Variants in TOMM20L observed in about 807,000 individuals in gnomAD.
TOMM20L encodes the protein TOMM20-like protein 1.
In TOMM20L, 19 loss-of-function variants were observed where a neutral mutation model predicts 20.4. That is an observed-to-expected ratio of 0.93 (90% CI 0.65 to 1.36). The LOEUF (loss-of-function observed/expected upper bound fraction) is 1.36. Ranked by LOEUF, TOMM20L falls within the 40% of genes most tolerant of loss-of-function variation. TOMM20L has a pLI of 0.00. For missense variants in TOMM20L, 218 were observed against 203.7 expected (o/e 1.07, Z -0.43); for synonymous variants, 75 against 79.6 (o/e 0.94, Z 0.30).
At chr14:58,412,150 CT>C (rs538195126), downstream of TOMM20L, 11,702 of 396,942 alleles carry the variant, frequency 0.029, no homozygotes, top group South Asian at 0.051. Flanking sequence ...ATTAGATTTT[CT>C]TTTTTTTTTT....
intron 2 of TOMM20L, among the ~76,000 whole-genome samples, chr14:58,400,436 G>GAA (rs1167847335): frequency 1.1e-4 from 14 of 122,572 alleles, no homozygotes; most frequent in Non-Finnish European, 1.4e-4. Context: ...AAAAAAAAAA[G>GAA]AAAAAAAAAA....
downstream of TOMM20L, among the ~76,000 whole-genome samples, chr14:58,410,022 C>T (rs112189372): frequency 2.0e-3 from 296 of 151,734 alleles, no homozygotes; most frequent in African/African-American, 7.0e-3. Flanking sequence ...CACACCACCA[C>T]GCCTGGCTAA....
At chr14:58,396,633 C>T (rs909317339) in intron 2 of TOMM20L, among the ~76,000 whole-genome samples, 4 of 152,206 alleles carry the variant, frequency 2.6e-5, no homozygotes, top group Non-Finnish European at 5.9e-5. Context: ...AGCCTTTTGC[C>T]CTGTCAGAGC....
chr14:58,409,244 TC>T, downstream of TOMM20L: 2 of 1,537,230 alleles, frequency 1.3e-6, no homozygotes, highest in Non-Finnish European at 8.8e-7. Flanking sequence ...TCTAAAAGAA[TC>T]AGTGGGGTAG....
At chr14:58,403,064 T>C (rs2036011027) in intron 3 of TOMM20L, among the ~76,000 whole-genome samples, 1 of 152,200 alleles carries the variant, frequency 6.6e-6, no homozygotes, top group African/African-American at 2.4e-5. Context: ...ATGTTAAGAA[T>C]AAAAACTTTT....
chr14:58,411,695 C>T (rs1052462640), downstream of TOMM20L, among the ~76,000 whole-genome samples: 5 of 151,806 alleles, frequency 3.3e-5, no homozygotes, highest in Admixed American at 6.6e-5. Context: ...TGCGCCAGCA[C>T]GCCCAGCTAA....
At chr14:58,396,140 C>T (rs2035913328) in intron 1 of TOMM20L, 47 bp downstream of exon 1, 7 of 1,276,750 alleles carry the variant, frequency 5.5e-6, no homozygotes, top group Middle Eastern at 2.6e-4. Context: ...GCAGCGCGGG[C>T]GGGCTGCCGG....
chr14:58,412,957 T>C (rs368260743), downstream of TOMM20L, among the ~76,000 whole-genome samples: 2 of 152,076 alleles, frequency 1.3e-5, no homozygotes, highest in South Asian at 4.2e-4. Context: ...CAAGAGATTT[T>C]TGCTGTTTTC....
At chr14:58,408,833 T>G, downstream of TOMM20L, 1 of 768,210 alleles carries the variant, frequency 1.3e-6, no homozygotes, top group Non-Finnish European at 2.0e-6. Flanking sequence ...ATTATTTCAC[T>G]GAACAATAAG....
chr14:58,399,111 C>G (rs1377864881), intron 2 of TOMM20L, among the ~76,000 whole-genome samples: 5 of 152,298 alleles, frequency 3.3e-5, no homozygotes, highest in African/African-American at 1.2e-4. Flanking sequence ...GTCTTGAACT[C>G]CTGAGCTCAA....
chr14:58,409,228 A>G, downstream of TOMM20L: 1 of 1,581,788 alleles, frequency 6.3e-7, no homozygotes, highest in Admixed American at 1.9e-5. Context: ...TTTAAAATGC[A>G]TGTATTCTAA....
chr14:58,399,718 G>A (rs1040511910), intron 2 of TOMM20L, among the ~76,000 whole-genome samples: 1 of 151,180 alleles, frequency 6.6e-6, no homozygotes, highest in African/African-American at 2.4e-5. Flanking sequence ...AGTGTGTCCC[G>A]AAGTAAATTC....
At chr14:58,401,850 C>G (rs1471578986) in intron 2 of TOMM20L, among the ~76,000 whole-genome samples, 1 of 152,160 alleles carries the variant, frequency 6.6e-6, no homozygotes, top group Non-Finnish European at 1.5e-5. Flanking sequence ...CCTGCCAACC[C>G]CCAACCAGGT....
chr14:58,412,031 G>GTTAGACTAA, downstream of TOMM20L: 1 of 1,242,796 alleles, frequency 8.0e-7, no homozygotes, highest in Non-Finnish European at 1.2e-6. Context: ...TAGTCTAACT[G>GTTAGACTAA]AAGAGTTAGG....
chr14:58,405,381 AT>A, intron 3 of TOMM20L, among the ~76,000 whole-genome samples: 1 of 152,226 alleles, frequency 6.6e-6, no homozygotes, highest in East Asian at 1.9e-4. Context: ...ATGATAACGT[AT>A]TTTATCATCA....
At chr14:58,396,458 C>A in intron 2 of TOMM20L, 117 bp downstream of exon 2, 1 of 1,131,354 alleles carries the variant, frequency 8.8e-7, no homozygotes, top group African/African-American at 1.5e-5. Flanking sequence ...CGCCCGTGCC[C>A]GGGAAGAGGC....
At chr14:58,396,472 C>A in intron 2 of TOMM20L, 131 bp downstream of exon 2, 1 of 931,074 alleles carries the variant, frequency 1.1e-6, no homozygotes, top group Non-Finnish European at 1.7e-6. Flanking sequence ...AAGAGGCCTG[C>A]CCTCGCGCGC....
At chr14:58,402,266 G>A (rs1201719136) in intron 2 of TOMM20L, among the ~76,000 whole-genome samples, 1 of 151,954 alleles carries the variant, frequency 6.6e-6, no homozygotes, top group Non-Finnish European at 1.5e-5. Flanking sequence ...TTAGAGACTA[G>A]GTTCAAGATG....
chr14:58,406,464 T>C (rs2036058663), intron 3 of TOMM20L, among the ~76,000 whole-genome samples: 1 of 152,226 alleles, frequency 6.6e-6, no homozygotes, highest in Non-Finnish European at 1.5e-5. Context: ...AAATCTATTA[T>C]TATACTTACC....
Sources: allele counts gnomAD v4.1 joint callset (sites outside exome capture counted in the v4.1 genomes callset), GRCh38; gene constraint gnomAD v4.1.1; transcripts MANE v1.5; gene names NCBI Gene and HGNC (gene_info 2026-07-23, HGNC 2026-07-21).